Variants in CHN2 observed in about 807,000 individuals in gnomAD.
CHN2 encodes the protein beta-chimaerin.
A neutral mutation model predicts 56.3 loss-of-function variants in CHN2; 35 were observed. That is an observed-to-expected ratio of 0.62 (90% CI 0.47 to 0.82). The LOEUF is 0.82. Ranked by LOEUF, CHN2 falls within the 40% of genes least tolerant of loss-of-function variation. The pLI, the probability that CHN2 is intolerant of heterozygous loss-of-function variation, is 0.00. For missense variants in CHN2, 491 were observed against 580.5 expected, an observed-to-expected ratio of 0.85 and a Z score of 1.58; for synonymous variants, 210 against 212.8, an observed-to-expected ratio of 0.99 and a Z score of 0.12.
intron 1 of CHN2, among the ~76,000 whole-genome samples, chr7:29,286,543 T>C (rs77616184): frequency 0.023 from 3,552 of 152,258 alleles, 159 homozygotes; most frequent in African/African-American, 0.082. Context: ...CCTTACCCTT[T>C]CTTCCTCTCA....
intron 2 of CHN2, among the ~76,000 whole-genome samples, chr7:29,366,659 C>T (rs916215989): frequency 2.0e-5 from 3 of 152,118 alleles, no homozygotes; most frequent in Non-Finnish European, 4.4e-5. Flanking sequence ...TTGTGGTGAA[C>T]TCTGTTTTCC....
intron 1 of CHN2, among the ~76,000 whole-genome samples, chr7:29,208,155 A>C (rs1784658272): frequency 6.6e-6 from 1 of 152,152 alleles, no homozygotes; most frequent in East Asian, 1.9e-4. Context: ...TCATGGAATT[A>C]ATGAAGCTAA....
At chr7:29,448,233 C>T (rs1488719373) in intron 6 of CHN2, among the ~76,000 whole-genome samples, 1 of 151,458 alleles carries the variant, frequency 6.6e-6, no homozygotes, top group African/African-American at 2.4e-5. Context: ...ATTTTGATAC[C>T]TCTTTCCTTA....
At chr7:29,461,121 A>G (rs556939681) in intron 6 of CHN2, among the ~76,000 whole-genome samples, 13 of 152,368 alleles carry the variant, frequency 8.5e-5, no homozygotes, top group Admixed American at 7.8e-4. Flanking sequence ...TGGCAGGGAA[A>G]CCACATGTTT....
intron 6 of CHN2, among the ~76,000 whole-genome samples, chr7:29,442,180 T>C (rs1357937491): frequency 6.6e-6 from 1 of 152,202 alleles, no homozygotes. Flanking sequence ...TTTGATGTTA[T>C]GGGAATTTCA....
intron 6 of CHN2, among the ~76,000 whole-genome samples, chr7:29,451,443 A>C (rs998979191): frequency 4.6e-5 from 7 of 152,166 alleles, no homozygotes; most frequent in Non-Finnish European, 8.8e-5. Flanking sequence ...AGAAGTACAG[A>C]GGTCTTCAGA....
At chr7:29,446,264 C>T (rs1234636718) in intron 6 of CHN2, among the ~76,000 whole-genome samples, 18 of 152,094 alleles carry the variant, frequency 1.2e-4, no homozygotes, top group Admixed American at 1.2e-3. Flanking sequence ...CACCTGTTCT[C>T]CAGAAAACTA....
chr7:29,274,576 A>G (rs1029050712), intron 1 of CHN2, among the ~76,000 whole-genome samples: 2 of 152,202 alleles, frequency 1.3e-5, no homozygotes, highest in Non-Finnish European at 2.9e-5. Context: ...ATAAGCATGA[A>G]TGGAAAGCAG....
chr7:29,238,140 C>A (rs1483421636), intron 1 of CHN2, among the ~76,000 whole-genome samples: 1 of 151,420 alleles, frequency 6.6e-6, no homozygotes, highest in Non-Finnish European at 1.5e-5. Context: ...GCCTCAGCCT[C>A]CCGAGTAGCT....
intron 4 of CHN2, chr7:29,398,163 T>G (rs941022246): frequency 2.5e-6 from 1 of 393,590 alleles, no homozygotes; most frequent in Non-Finnish European, 4.5e-6. Flanking sequence ...CTGGGCATCC[T>G]TCCTTTTGTT....
At chr7:29,313,483 A>C (rs550578225) in intron 1 of CHN2, among the ~76,000 whole-genome samples, 1 of 152,092 alleles carries the variant, frequency 6.6e-6, no homozygotes, top group African/African-American at 2.4e-5. Flanking sequence ...AAAAATGCAG[A>C]AGCAGCCCTG....
intron 1 of CHN2, chr7:29,212,338 G>C: frequency 6.9e-7 from 1 of 1,455,890 alleles, no homozygotes; most frequent in Non-Finnish European, 9.6e-7. Context: ...AGCTTGCCTT[G>C]CTTCGAAGCA....
intron 1 of CHN2, among the ~76,000 whole-genome samples, chr7:29,231,446 A>G (rs1270978046): frequency 6.6e-6 from 1 of 152,166 alleles, no homozygotes; most frequent in African/African-American, 2.4e-5. Flanking sequence ...TTACCGCATT[A>G]CGCATAGGCA....
intron 1 of CHN2, among the ~76,000 whole-genome samples, chr7:29,333,842 C>T (rs958623553): frequency 2.6e-5 from 4 of 151,868 alleles, no homozygotes; most frequent in Admixed American, 6.6e-5. Context: ...CAGTAATGGC[C>T]GAGAGTCAGG....
intron 2 of CHN2, among the ~76,000 whole-genome samples, chr7:29,149,515 A>C (rs567292523): frequency 1.3e-5 from 2 of 152,266 alleles, no homozygotes; most frequent in South Asian, 4.2e-4. Context: ...TTTCTTAATG[A>C]AAGAGAATAA....
intron 6 of CHN2, among the ~76,000 whole-genome samples, chr7:29,449,645 A>T (rs1254830744): frequency 6.6e-6 from 1 of 152,248 alleles, no homozygotes; most frequent in East Asian, 1.9e-4. Context: ...AGAATCATTT[A>T]TGGAGTTCTG....
At chr7:29,437,246 C>T (rs1783293321) in intron 6 of CHN2, among the ~76,000 whole-genome samples, 1 of 152,130 alleles carries the variant, frequency 6.6e-6, no homozygotes, top group African/African-American at 2.4e-5. Flanking sequence ...AGCATCTGTA[C>T]CTGACCTAGT....
chr7:29,433,117 A>G (rs139231484), intron 6 of CHN2, among the ~76,000 whole-genome samples: 235 of 152,350 alleles, frequency 1.5e-3, no homozygotes, highest in Non-Finnish European at 2.7e-3. Context: ...GCAGACACTT[A>G]TCATGACCCT....
intron 2 of CHN2, among the ~76,000 whole-genome samples, chr7:29,365,357 G>A (rs1049412447): frequency 5.3e-4 from 81 of 152,268 alleles, no homozygotes; most frequent in African/African-American, 1.5e-3. Context: ...CCCTTCCTTC[G>A]TGGCAGGACT....
Sources: gnomAD v4.1 joint callset for allele counts (sites outside exome capture counted in the v4.1 genomes callset) on GRCh38, gnomAD v4.1.1 for gene constraint, MANE v1.5 for transcripts, NCBI Gene and HGNC (gene_info 2026-07-23, HGNC 2026-07-21) for gene names.